Variants in TBCD observed in about 807,000 individuals in gnomAD.
TBCD encodes tubulin folding cofactor D.
Under a neutral mutation model 169.3 loss-of-function variants are expected in TBCD, and 105 were observed. The observed-to-expected ratio is 0.62, with a 90% CI of 0.53 to 0.73. The LOEUF (loss-of-function observed/expected upper bound fraction) is 0.73, where lower values mean the gene tolerates loss of function less well. Among genes scored for constraint, TBCD ranks in the 30% least tolerant of loss-of-function variants. TBCD has a pLI of 0.00. For missense variants in TBCD, 1,444 were observed against 1,600.1 expected (o/e 0.90, Z 1.66); for synonymous variants, 700 against 643.9 (o/e 1.09, Z -1.32).
Position 82,870,302 on chromosome 17 carries a change from C to T in TBCD, c.1397C>T (p.Ala466Val). The change falls in exon 14 of 39, where the codon GCC (alanine) becomes GTC (valine). Residue 466 changes from alanine (A) to valine (V), a missense_variant. Ala to Val is a moderately conservative substitution (Grantham distance 64). Transcript: ENST00000355528. ...AGCGTGGGCACCAACGTCAGGGACG[C>T]CGCCTGCTACGTGTGCTGGGCCTTC... ...ACSVGTNVRD[A>V]ACYVCWAFAR... 6.2e-7 allele frequency: 1 copy of T among 1,613,572 alleles called. No homozygotes were observed. The highest frequency in any genetic ancestry group is 8.5e-7 in the Non-Finnish European group (1 of 1,179,892).
intron 12 of TBCD, among the ~76,000 whole-genome samples, chr17:82,812,970 C>T (rs2051565116): frequency 6.6e-6 from 1 of 152,148 alleles, no homozygotes; most frequent in South Asian, 2.1e-4. Context: ...AGGTGTGCAG[C>T]ACCACACCTG....
chr17:82,801,130 CG>C, intron 9 of TBCD, 134 bp downstream of exon 9: 1 of 25,702 alleles, frequency 3.9e-5, no homozygotes, highest in South Asian at 7.9e-4. Flanking sequence ...CGCCCTGTTG[CG>C]GGGTGGGGGA....
chr17:82,814,996 C>G, intron 13 of TBCD, 62 bp downstream of exon 13: 1 of 1,597,058 alleles, frequency 6.3e-7, no homozygotes, highest in Non-Finnish European at 8.5e-7. Context: ...GCAGGAGAGG[C>G]CTGTTGCTGC....
Position 82,893,600 on chromosome 17 carries a change from C to G in TBCD, c.1617C>G (p.Val539=), listed in dbSNP as rs371623110. The G allele has an allele frequency of 6.2e-7, 1 of 1,611,406 alleles. No individual in the cohort carries two copies. The highest frequency in any genetic ancestry group is 8.5e-7 in the Non-Finnish European group (1 of 1,178,716). ...DILTTADYFA[V]GNRSNCFLVI... is the part of the protein sequence containing the mutation. ...TGACCACAGCTGACTATTTTGCCGT[C>G]GGTAACAGATCCAACTGTTTCCTGG... Residue 539 remains valine, a synonymous_variant, in exon 17 of 39, where the codon GTC becomes GTG. Coordinates refer to ENST00000355528, the MANE Select transcript of TBCD (RefSeq NM_005993.5).
chr17:82,771,012 C>T (rs867040614), intron 5 of TBCD, among the ~76,000 whole-genome samples: 22 of 135,782 alleles, frequency 1.6e-4, no homozygotes, highest in South Asian at 4.7e-4. Context: ...TGCACCACTG[C>T]ACTCTAGCCT....
At chr17:82,941,538 T>C (rs2063261831) in intron 38 of TBCD, 55 bp downstream of exon 38, 6 of 1,476,912 alleles carry the variant, frequency 4.1e-6, no homozygotes, top group Middle Eastern at 3.4e-4. Flanking sequence ...AGCTCTGGAA[T>C]GTTCTGGGGC....
intron 13 of TBCD, among the ~76,000 whole-genome samples, chr17:82,816,182 G>A (rs536103521): frequency 3.3e-5 from 5 of 152,202 alleles, no homozygotes; most frequent in East Asian, 3.9e-4. Context: ...CGAATTCTTC[G>A]GCTGAGTTTC....
chr17:82,809,752 A>G lies in TBCD; in HGVS notation c.1193A>G (p.Asp398Gly). Residue 398 changes from aspartate (D) to glycine (G), a missense_variant, in exon 12 of 39, where the codon GAT (aspartate) becomes GGT (glycine). Physicochemically the swap from Asp to Gly is moderately conservative, Grantham distance 94. Transcript: ENST00000355528. ...AGRLPRALADDVVGSVLDCFS... is the reference protein window; with the variant it reads ...AGRLPRALADGVVGSVLDCFS... ...AGGCTTCCCAGAGCCCTGGCGGATG[A>G]TGTGGTCGGGTCTGTGCTGGACTGC... 6.2e-7 allele frequency: 1 copy of G among 1,613,542 alleles called. No individual in the cohort carries two copies. Among genetic ancestry groups the G allele is most frequent in the South Asian group, 1.1e-5 (1 of 91,008 alleles).
chr17:82,885,177 C>T (rs2058636925), intron 15 of TBCD, among the ~76,000 whole-genome samples: 2 of 152,062 alleles, frequency 1.3e-5, no homozygotes, highest in Non-Finnish European at 2.9e-5. Context: ...TCCTGTCAGC[C>T]CTGCAGTGTG....
rs1000707692 is a variant in TBCD at position 82,857,747 on chromosome 17, T to C, written c.1319-12477T>C. Among the ~76,000 whole-genome samples, 35 of 23,576 alleles carry C rather than the reference T, an allele frequency of 1.5e-3. 1 individual carries two copies. In the South Asian group the frequency reaches 0.028, roughly 19 times the overall value. 15.5% of individuals were successfully genotyped at this position (23,576 alleles called of 152,430 possible). On this transcript the variant is annotated intron_variant, in intron 13 of 38. Coordinates refer to ENST00000355528, the MANE Select transcript of TBCD (RefSeq NM_005993.5). ...CAACCTTGCTGCTTGTGTCTCATGG[T>C]TTTTTTTTTTTTTTAATTTAATTTA...
At chr17:82,868,234 G>A (rs532218184) in intron 13 of TBCD, among the ~76,000 whole-genome samples, 1 of 152,314 alleles carries the variant, frequency 6.6e-6, no homozygotes, top group African/African-American at 2.4e-5. Flanking sequence ...CCACACCGGA[G>A]GACAGCTCTT....
chr17:82,857,481 A>T (rs2056406968), intron 13 of TBCD, among the ~76,000 whole-genome samples: 1 of 151,956 alleles, frequency 6.6e-6, no homozygotes, highest in Admixed American at 6.6e-5. Context: ...CATTGTTTTA[A>T]TTCCCTCTTT....
At chr17:82,865,499 G>A (rs1431345954) in intron 13 of TBCD, 4 of 985,454 alleles carry the variant, frequency 4.1e-6, no homozygotes, top group Admixed American at 6.1e-5. Flanking sequence ...ACGTTTCCAC[G>A]CCTTCCTCGT....
intron 13 of TBCD, chr17:82,865,423 G>A: frequency 1.0e-6 from 1 of 966,094 alleles, no homozygotes; most frequent in Non-Finnish European, 1.2e-6. Flanking sequence ...CTCTGCAGGG[G>A]CCTGAGCAGT....
chr17:82,940,780 A>G (rs959283098), intron 37 of TBCD, among the ~76,000 whole-genome samples: 8 of 152,154 alleles, frequency 5.3e-5, no homozygotes, highest in Admixed American at 4.6e-4. Context: ...ACCAAGGTGC[A>G]TTCTGGACCA....
At chr17:82,794,603 C>T (rs796834207) in intron 7 of TBCD, among the ~76,000 whole-genome samples, 4 of 152,312 alleles carry the variant, frequency 2.6e-5, no homozygotes, top group Admixed American at 6.5e-5. Context: ...TCTCTCTGGC[C>T]GCGTCCTCCT....
Position 82,807,609 on chromosome 17 carries a change from G to T in TBCD, c.1089G>T (p.Glu363Asp). 6.5e-7 allele frequency: 1 copy of T among 1,538,430 alleles called. No individual in the cohort carries two copies. Residue 363 changes from glutamate (E) to aspartate (D), a missense_variant and splice_region_variant, in exon 11 of 39, where the codon GAG becomes GAT. Coordinates refer to ENST00000355528, the MANE Select transcript of TBCD (RefSeq NM_005993.5). ...DVPEGVERVI[E>D]QLLVGLKDKD... ...CGCATCACCTTCCTCTTCCTACAGAGCAGCTGCTGGTCGGGCTGAAGGACA... is the reference window on the plus strand; with the variant it reads ...CGCATCACCTTCCTCTTCCTACAGATCAGCTGCTGGTCGGGCTGAAGGACA...
chr17:82,840,182 G>A (rs2054348886), intron 13 of TBCD: 1 of 152,242 alleles, frequency 6.6e-6, no homozygotes, highest in Non-Finnish European at 1.5e-5. Flanking sequence ...CAGCAAGCAA[G>A]TTATCTCGCC....
chr17:82,912,701 CG>C (rs2060733332), intron 23 of TBCD, among the ~76,000 whole-genome samples: 2 of 152,102 alleles, frequency 1.3e-5, no homozygotes, highest in Non-Finnish European at 2.9e-5. Flanking sequence ...AACCCACGGC[CG>C]GATGTCAGGG....
Sources: gnomAD v4.1 joint callset for allele counts (sites outside exome capture counted in the v4.1 genomes callset) on GRCh38, gnomAD v4.1.1 for gene constraint, MANE v1.5 for transcripts, NCBI Gene and HGNC (gene_info 2026-07-23, HGNC 2026-07-21) for gene names.